NTRK3: variants seen among roughly 807,000 people sequenced by gnomAD.
The protein encoded by NTRK3 is neurotrophic receptor tyrosine kinase 3.
A neutral mutation model predicts 91.7 loss-of-function variants in NTRK3; 24 were observed. The observed-to-expected ratio is 0.26, with a 90% confidence interval of 0.19 to 0.37. NTRK3 has a LOEUF of 0.37. Ranked by LOEUF, NTRK3 falls within the 10% of genes least tolerant of loss-of-function variation. The pLI is 1.00. For missense variants in NTRK3, 880 were observed against 1,068.9 expected (o/e 0.82, Z 2.46); for synonymous variants, 483 against 404.0 (o/e 1.20, Z -2.34).
intron 14 of NTRK3, among the ~76,000 whole-genome samples, chr15:88,008,291 T>G (rs1281919173): frequency 6.6e-6 from 1 of 152,102 alleles, no homozygotes; most frequent in African/African-American, 2.4e-5. Flanking sequence ...CTGGTTCTAT[T>G]TCTACCAATG....
chr15:87,890,121 C>T, intron 17 of NTRK3, among the ~76,000 whole-genome samples: 1 of 152,036 alleles, frequency 6.6e-6, no homozygotes, highest in East Asian at 1.9e-4. Context: ...TGATACCTGA[C>T]CAGGTATCCA....
chr15:87,974,378 C>T (rs1423818081), intron 14 of NTRK3, among the ~76,000 whole-genome samples: 6 of 152,266 alleles, frequency 3.9e-5, no homozygotes, highest in Non-Finnish European at 7.4e-5. Context: ...CTTTGAGGTG[C>T]GTTGAAGAAA....
chr15:88,046,782 C>T (rs1288230116), intron 13 of NTRK3, among the ~76,000 whole-genome samples: 3 of 152,232 alleles, frequency 2.0e-5, no homozygotes, highest in African/African-American at 7.2e-5. Context: ...TCACTCATCC[C>T]TTTCACAGAC....
chr15:88,157,850 C>T (rs1469991985), intron 5 of NTRK3, among the ~76,000 whole-genome samples: 1 of 152,136 alleles, frequency 6.6e-6, no homozygotes, highest in African/African-American at 2.4e-5. Flanking sequence ...CCCAAGATGA[C>T]CCAGCTGGAT....
At chr15:87,976,621 A>G (rs2073740787) in intron 14 of NTRK3, among the ~76,000 whole-genome samples, 1 of 152,174 alleles carries the variant, frequency 6.6e-6, no homozygotes, top group South Asian at 2.1e-4. Context: ...CAACTCTTCT[A>G]GCTGTGTCAC....
At chr15:87,984,419 G>C (rs1304443457) in intron 14 of NTRK3, among the ~76,000 whole-genome samples, 2 of 152,208 alleles carry the variant, frequency 1.3e-5, no homozygotes, top group African/African-American at 4.8e-5. Context: ...GATTTGTTCT[G>C]TATCTTTTCC....
intron 13 of NTRK3, among the ~76,000 whole-genome samples, chr15:88,078,394 G>A (rs932390518): frequency 1.9e-4 from 29 of 152,346 alleles, no homozygotes; most frequent in African/African-American, 5.5e-4. Context: ...GGTGGCTCAC[G>A]CCTGTAATCC....
chr15:88,027,575 G>T (rs1454690290), intron 14 of NTRK3, among the ~76,000 whole-genome samples: 2 of 152,204 alleles, frequency 1.3e-5, no homozygotes, highest in East Asian at 3.9e-4. Flanking sequence ...GTAGAGACGG[G>T]GTTTCACCGT....
rs142616614 is a variant in NTRK3 at position 88,117,287 on chromosome 15, A to G, written c.1396+8984T>C. On this transcript the variant is annotated intron_variant, in intron 13 of 18. Coordinates refer to ENST00000394480, the Ensembl canonical transcript of NTRK3. ...TTCTCATCTTTAAAGTGGGAATAAT[A>G]GCCACCTATGAAGTCTCTATATTTG... 2.7e-3 allele frequency among the ~76,000 whole-genome samples: 416 copies of G among 152,356 alleles called. 1 individual carries two copies. Among genetic ancestry groups the G allele is most frequent in the Non-Finnish European group, 4.0e-3 (272 of 68,020 alleles).
intron 14 of NTRK3, among the ~76,000 whole-genome samples, chr15:88,002,436 T>A (rs901021260): frequency 3.3e-5 from 5 of 152,050 alleles, no homozygotes; most frequent in Non-Finnish European, 7.4e-5. Context: ...TCATCCCTGA[T>A]GACTAAGATT....
intron 13 of NTRK3, among the ~76,000 whole-genome samples, chr15:88,108,452 T>C (rs1489323185): frequency 6.6e-6 from 1 of 152,112 alleles, no homozygotes; most frequent in Non-Finnish European, 1.5e-5. Flanking sequence ...ATGCAATGGG[T>C]GCTCCTGACA....
chr15:88,105,800 G>A (rs560203412), intron 13 of NTRK3, among the ~76,000 whole-genome samples: 69 of 152,226 alleles, frequency 4.5e-4, no homozygotes, highest in Non-Finnish European at 7.5e-4. Context: ...TGGACCACGT[G>A]GAGTCCCTGT....
intron 14 of NTRK3, among the ~76,000 whole-genome samples, chr15:87,964,756 T>G (rs2072636506): frequency 6.6e-6 from 1 of 152,220 alleles, no homozygotes; most frequent in Admixed American, 6.5e-5. Context: ...GGATGTTTTG[T>G]GTCCAGCTAC....
intron 14 of NTRK3, among the ~76,000 whole-genome samples, chr15:88,015,595 G>A (rs191140752): frequency 1.9e-4 from 29 of 152,240 alleles, no homozygotes; most frequent in African/African-American, 6.0e-4. Context: ...TTTAGTTGCA[G>A]GGTCTCTGTG....
At chr15:88,125,962 T>A (rs1027887955) in intron 13 of NTRK3, among the ~76,000 whole-genome samples, 1 of 152,180 alleles carries the variant, frequency 6.6e-6, no homozygotes, top group African/African-American at 2.4e-5. Flanking sequence ...CCAAAGTCCG[T>A]CTTCATTTGC....
At chr15:87,867,566 T>C (rs916561719) in exon 19 of NTRK3, 1 of 229,502 alleles carries the variant, frequency 4.4e-6, no homozygotes, top group Middle Eastern at 1.3e-3. Context: ...TCTCTGGAAT[T>C]AGAGGGGCAC....
At position 88,060,939 on chromosome 15, in the gene NTRK3, CTGA is replaced by C. The variant is rs569282891; in HGVS notation, c.1397-27897_1397-27895del. ...CACCTTGATATCAGACAAGGGTTGT[CTGA>C]TGTTTCTCTCCTCTTTCCTCTTTCC... On this transcript the variant is annotated intron_variant, in intron 13 of 18. Coordinates refer to ENST00000394480, the Ensembl canonical transcript of NTRK3. 3.2e-4 allele frequency among the ~76,000 whole-genome samples: 49 copies of C among 151,990 alleles called. No individual in the cohort carries two copies. The East Asian group carries it at 8.5e-3, about 26-fold the overall frequency.
At chr15:88,073,200 CCTT>C (rs975614086) in intron 13 of NTRK3, among the ~76,000 whole-genome samples, 7 of 152,230 alleles carry the variant, frequency 4.6e-5, no homozygotes, top group African/African-American at 1.7e-4. Context: ...TGGGTTCCAT[CCTT>C]CTCCCACAAT....
Position 88,003,402 on chromosome 15 carries a change from C to G in NTRK3, c.1585+29455G>C, listed in dbSNP as rs149974883. Among the ~76,000 whole-genome samples, 124 of 152,346 alleles carry G rather than the reference C, an allele frequency of 8.1e-4. 1 individual carries two copies. The highest frequency in any genetic ancestry group is 2.7e-3 in the African/African-American group (113 of 41,584). On this transcript the variant is annotated intron_variant, in intron 14 of 18. Coordinates refer to ENST00000394480, the Ensembl canonical transcript of NTRK3. The stretch of plus-strand genomic sequence containing the variant: ...AGAGAAAATTCTTGACTGGCATGAT[C>G]TGAGAGCTAACTTTGCACCAGGCAC...
Sources: allele counts gnomAD v4.1 joint callset (sites outside exome capture counted in the v4.1 genomes callset), GRCh38; gene constraint gnomAD v4.1.1; transcripts MANE v1.5; gene names NCBI Gene and HGNC (gene_info 2026-07-23, HGNC 2026-07-21).